Variants in NARS2 observed in about 807,000 individuals in gnomAD.
The protein encoded by NARS2 is asparaginyl-tRNA synthetase 2, mitochondrial, also known as asparaginyl-tRNA synthetase.
NARS2 carries 60 observed loss-of-function variants against 62.9 expected under a neutral mutation model. The ratio of observed to expected loss-of-function variants is 0.95; its 90% CI spans 0.77 to 1.18. The LOEUF (loss-of-function observed/expected upper bound fraction) is 1.18, where lower values mean the gene tolerates loss of function less well. Among genes scored for constraint, NARS2 ranks in the 50% most tolerant of loss-of-function variants. The probability of loss-of-function intolerance (pLI) is 0.00; values close to 1 mark genes in which losing one functional copy is unlikely to be tolerated. For missense variants in NARS2, 619 were observed against 576.4 expected (o/e 1.07, Z -0.76); for synonymous variants, 196 against 200.0 (o/e 0.98, Z 0.17).
At chr11:78,479,031 T>C (rs1481379889) in intron 7 of NARS2, among the ~76,000 whole-genome samples, 3 of 152,112 alleles carry the variant, frequency 2.0e-5, no homozygotes, top group Non-Finnish European at 2.9e-5. Flanking sequence ...ACTTACAGGA[T>C]GTTTGAGAGA....
Position 78,544,796 on chromosome 11 carries a change from A to G in NARS2, c.594+14743T>C, listed in dbSNP as rs1377373156. Among the ~76,000 whole-genome samples the G allele has an allele frequency of 1.8e-4, 3 of 16,738 alleles. No homozygotes were observed. In the East Asian group the frequency reaches 3.9e-3, roughly 22 times the overall value. 11.0% of individuals were successfully genotyped at this position (16,738 alleles called of 152,430 possible). On this transcript the variant is annotated intron_variant, in intron 5 of 13. Transcript: ENST00000281038. ...GCGATAGAGCGAGACTCCGTCTCAC[A>G]AAAAAAAAAAAAAAAAAAAAAAGGA...
Position 78,574,620 on chromosome 11 carries a change from T to C in NARS2, c.-132A>G. The stretch of plus-strand genomic sequence containing the variant: ...CTGCTCTAAGGCACTCCAGAGCCCC[T>C]CGGCTGCGCGCTTTCTCCTTCAGGA... On this transcript the variant is annotated 5_prime_UTR_variant, in exon 1 of 14. Transcript: ENST00000281038. 5 of 1,005,488 alleles carry C rather than the reference T, an allele frequency of 5.0e-6. No homozygotes were observed. Among genetic ancestry groups the C allele is most frequent in the Non-Finnish European group, 7.1e-6 (5 of 708,210 alleles). 62.3% of individuals were successfully genotyped at this position (1,005,488 alleles called of 1,614,324 possible). A position where few individuals can be genotyped will look rare whatever the true frequency, so the allele number is the denominator to read the frequency against.
chr11:78,449,261 G>A (rs149171027), intron 11 of NARS2, among the ~76,000 whole-genome samples: 4 of 147,012 alleles, frequency 2.7e-5, no homozygotes, highest in African/African-American at 7.6e-5. Context: ...TCAGCCTCCC[G>A]AGTAGCTGGG....
intron 6 of NARS2, among the ~76,000 whole-genome samples, chr11:78,525,196 A>G (rs1276160377): frequency 6.6e-6 from 1 of 152,118 alleles, no homozygotes; most frequent in Non-Finnish European, 1.5e-5. Flanking sequence ...ACTATTCTGT[A>G]TGTTACTATA....
Position 78,469,320 on chromosome 11 carries a change from G to A in NARS2, c.960-7C>T. On this transcript the variant is annotated splice_region_variant and splice_polypyrimidine_tract_variant and intron_variant, in intron 9 of 13. Transcript: ENST00000281038. ...TGCTTCAGTATAAGAAATGCTGGAG[G>A]AAAACAGGATACAAGCAGAGAAAAG... 1 of 1,610,968 alleles carries A rather than the reference G, an allele frequency of 6.2e-7. No homozygotes were observed. Among genetic ancestry groups the A allele is most frequent in the South Asian group, 1.1e-5 (1 of 91,022 alleles).
chr11:78,478,292 G>C (rs577357529), intron 9 of NARS2, 146 bp downstream of exon 9: 149 of 258,242 alleles, frequency 5.8e-4, no homozygotes, highest in African/African-American at 3.2e-3. Flanking sequence ...TCTGGGGAGT[G>C]TCTATATATA....
chr11:78,531,293 G>A (rs1032370523), intron 5 of NARS2, among the ~76,000 whole-genome samples: 1 of 151,934 alleles, frequency 6.6e-6, no homozygotes, highest in Non-Finnish European at 1.5e-5. Context: ...CAAGTGCACA[G>A]GGACCATTCT....
chr11:78,484,973 G>C (rs1859509678), intron 7 of NARS2, among the ~76,000 whole-genome samples: 1 of 152,178 alleles, frequency 6.6e-6, no homozygotes, highest in South Asian at 2.1e-4. Flanking sequence ...CAAAGACTTG[G>C]AACCAATCCA....
chr11:78,518,919 T>C (rs1005212886), intron 6 of NARS2, among the ~76,000 whole-genome samples: 4 of 152,150 alleles, frequency 2.6e-5, no homozygotes. Context: ...AAGTAGAAAG[T>C]CGTTATTTCA....
chr11:78,441,045 TCAGA>T (rs1565200135), intron 13 of NARS2, 42 bp downstream of exon 13: 1 of 1,581,034 alleles, frequency 6.3e-7, no homozygotes, highest in Middle Eastern at 1.7e-4. Context: ...TAGGCAACAG[TCAGA>T]CAAGCAGCTA....
intron 5 of NARS2, among the ~76,000 whole-genome samples, chr11:78,540,188 A>G (rs1855557135): frequency 6.6e-6 from 1 of 152,202 alleles, no homozygotes; most frequent in Admixed American, 6.5e-5. Flanking sequence ...ACCAAGAGCT[A>G]CCAAAAAAAT....
intron 2 of NARS2, among the ~76,000 whole-genome samples, chr11:78,569,592 GTT>G (rs1856851518): frequency 6.6e-6 from 1 of 152,114 alleles, no homozygotes; most frequent in South Asian, 2.1e-4. Flanking sequence ...TCTCCATCCA[GTT>G]TTGTTTGCTT....
intron 11 of NARS2, among the ~76,000 whole-genome samples, chr11:78,447,269 T>G (rs73504918): frequency 0.046 from 7,036 of 151,992 alleles, 521 homozygotes; most frequent in African/African-American, 0.16. Flanking sequence ...ATCTCCTGCC[T>G]CAGCCTCCTA....
chr11:78,481,086 G>A (rs917466970), intron 7 of NARS2, among the ~76,000 whole-genome samples: 8 of 152,062 alleles, frequency 5.3e-5, no homozygotes, highest in Admixed American at 6.6e-5. Context: ...CTCCCAAAGT[G>A]CCAGGATTAC....
At chr11:78,497,195 C>T (rs1191758372) in intron 6 of NARS2, among the ~76,000 whole-genome samples, 5 of 138,944 alleles carry the variant, frequency 3.6e-5, no homozygotes, top group East Asian at 2.1e-4. Context: ...ACACATCAAC[C>T]TAGATAGCTA....
chr11:78,537,617 G>C (rs1027180544), intron 5 of NARS2, among the ~76,000 whole-genome samples: 1 of 152,174 alleles, frequency 6.6e-6, no homozygotes, highest in Non-Finnish European at 1.5e-5. Flanking sequence ...GGGCAACATA[G>C]TGAGAGGTCC....
At chr11:78,567,224 A>T (rs1590875287) in intron 3 of NARS2, among the ~76,000 whole-genome samples, 1 of 152,278 alleles carries the variant, frequency 6.6e-6, no homozygotes, top group South Asian at 2.1e-4. Flanking sequence ...CCCCCAGTGG[A>T]CGCCTAAAAC....
chr11:78,471,077 T>C lies in NARS2; in HGVS notation c.960-1764A>G, dbSNP rs146127093. On this transcript the variant is annotated intron_variant, in intron 9 of 13. Transcript: ENST00000281038. ...CTAAAGCTATGTTTTGAAAGACAGGTTTTTTCCTAAGAATCTATTCAAATT... is the reference window on the plus strand; with the variant it reads ...CTAAAGCTATGTTTTGAAAGACAGGCTTTTTCCTAAGAATCTATTCAAATT... Among the ~76,000 whole-genome samples the C allele has an allele frequency of 8.6e-3, 1,303 of 152,122 alleles. 24 individuals carry two copies. The highest frequency in any genetic ancestry group is 0.011 in the Non-Finnish European group (777 of 67,994).
At chr11:78,553,129 T>C (rs1856189019) in intron 5 of NARS2, among the ~76,000 whole-genome samples, 1 of 152,204 alleles carries the variant, frequency 6.6e-6, no homozygotes, top group Non-Finnish European at 1.5e-5. Context: ...TGTTATTTTT[T>C]TATTTTTTAA....
Sources: allele counts gnomAD v4.1 joint callset (sites outside exome capture counted in the v4.1 genomes callset), GRCh38; gene constraint gnomAD v4.1.1; transcripts MANE v1.5; gene names NCBI Gene and HGNC (gene_info 2026-07-23, HGNC 2026-07-21).